The following ANOS1 variants were observed in gnomAD, a reference collection of about 807,000 sequenced individuals.
The protein encoded by ANOS1 is anosmin 1.
ANOS1 carries 6 observed loss-of-function variants against 59.0 expected under a neutral mutation model. That is an observed-to-expected ratio of 0.10 (90% CI 0.06 to 0.20). The LOEUF is 0.20. ANOS1 is among the 10% of genes least tolerant of loss of function. The pLI is 1.00. For missense variants in ANOS1, 433 were observed against 542.3 expected (o/e 0.80, Z 2.00); for synonymous variants, 217 against 223.4 (o/e 0.97, Z 0.25).
chrX:8,710,321 T>C (rs1932805187), intron 1 of ANOS1, among the ~76,000 whole-genome samples: 1 of 112,012 alleles, frequency 8.9e-6, no homozygotes, highest in Non-Finnish European at 1.9e-5. Context: ...CTCTGAGAAC[T>C]TCTACCTCAC....
chrX:8,559,900 A>G (rs1268876264), intron 8 of ANOS1, among the ~76,000 whole-genome samples: 1 of 111,808 alleles, frequency 8.9e-6, no homozygotes, highest in African/African-American at 3.3e-5. Flanking sequence ...TACAAAACAG[A>G]GCTCATCCTA....
intron 2 of ANOS1, among the ~76,000 whole-genome samples, chrX:8,636,318 G>A (rs997642367): frequency 1.8e-5 from 2 of 111,439 alleles, no homozygotes; most frequent in Admixed American, 1.9e-4. Flanking sequence ...TACAAAATGC[G>A]GCATACATCA....
rs766188155 is a variant in ANOS1 at position 8,675,685 on chromosome X, CT to C, written c.255+24012del. ...TCTCTGGGTGCCTTAATTTATATTT[CT>C]TTTTTTTTTTTAGTTTTTATTTTTA... On this transcript the variant is annotated intron_variant, in intron 2 of 13. Transcript: ENST00000262648. Among the ~76,000 whole-genome samples the C allele has an allele frequency of 1.4e-3, 139 of 101,713 alleles. 1 individual carries two copies. The highest frequency in any genetic ancestry group is 4.9e-3 in the Middle Eastern group (1 of 205). 88.3% of individuals were successfully genotyped at this position (101,713 alleles called of 115,157 possible). A position where few individuals can be genotyped will look rare whatever the true frequency, so the allele number is the denominator to read the frequency against.
chrX:8,664,809 G>A (rs759802840), intron 2 of ANOS1, among the ~76,000 whole-genome samples: 4 of 111,612 alleles, frequency 3.6e-5, no homozygotes, highest in South Asian at 3.8e-4. Context: ...GAGCAGCCAC[G>A]GTGGTGTCTC....
intron 3 of ANOS1, among the ~76,000 whole-genome samples, chrX:8,608,749 G>A (rs1265691105): frequency 9.0e-6 from 1 of 111,541 alleles, no homozygotes; most frequent in Non-Finnish European, 1.9e-5. Flanking sequence ...CCCCCATGCT[G>A]TTCTTGTGAT....
At chrX:8,614,449 C>T (rs1439432213) in intron 3 of ANOS1, among the ~76,000 whole-genome samples, 1 of 111,231 alleles carries the variant, frequency 9.0e-6, no homozygotes, top group Non-Finnish European at 1.9e-5. Flanking sequence ...TACTATTGAT[C>T]CACAGAAAGT....
At chrX:8,553,147 A>G (rs1413409542) in intron 9 of ANOS1, among the ~76,000 whole-genome samples, 1 of 110,335 alleles carries the variant, frequency 9.1e-6, no homozygotes, top group Non-Finnish European at 1.9e-5. Flanking sequence ...AAAAGACTGT[A>G]TGTTGAATAA....
rs192343622 is a variant in ANOS1, at chrX:8,588,837, T to C, written c.542-859A>G. 3.6e-5 allele frequency among the ~76,000 whole-genome samples: 4 copies of C among 112,473 alleles called. No individual in the cohort carries two copies. The East Asian group carries it at 1.1e-3, about 31-fold the overall frequency. ...AGAAATTTGTAATACTAATAGAATA[T>C]GCAAAACTAACTGAATGAAATAGAA... On this transcript the variant is annotated intron_variant, in intron 4 of 13. Transcript: ENST00000262648.
At chrX:8,685,644 G>GAA (rs1157208084) in intron 2 of ANOS1, among the ~76,000 whole-genome samples, 7 of 97,777 alleles carry the variant, frequency 7.2e-5, no homozygotes, top group Non-Finnish European at 1.2e-4. Flanking sequence ...AAGAAAGAAA[G>GAA]AAAGAAAGAA....
intron 2 of ANOS1, among the ~76,000 whole-genome samples, chrX:8,661,244 C>T (rs1190021792): frequency 9.2e-6 from 1 of 108,966 alleles, no homozygotes; most frequent in East Asian, 2.9e-4. Context: ...ATAGACCGGG[C>T]AGTTTATAAA....
chrX:8,537,191 C>G (rs1929610227), intron 10 of ANOS1, among the ~76,000 whole-genome samples: 1 of 111,760 alleles, frequency 8.9e-6, no homozygotes, highest in Non-Finnish European at 1.9e-5. Flanking sequence ...CTCATCAAAG[C>G]AGGCTACTTC....
At chrX:8,605,786 C>G (rs1200969179) in intron 3 of ANOS1, among the ~76,000 whole-genome samples, 1 of 111,475 alleles carries the variant, frequency 9.0e-6, no homozygotes, top group Non-Finnish European at 1.9e-5. Context: ...TGGAATATAG[C>G]TTCTGCTTCT....
At chrX:8,678,203 T>G (rs146049979) in intron 2 of ANOS1, among the ~76,000 whole-genome samples, 88 of 112,687 alleles carry the variant, frequency 7.8e-4, no homozygotes, top group Non-Finnish European at 1.4e-3. Flanking sequence ...TAACTATCAC[T>G]TTCATTTGAG....
intron 3 of ANOS1, among the ~76,000 whole-genome samples, chrX:8,616,686 G>A (rs1459060673): frequency 1.8e-5 from 2 of 111,128 alleles, no homozygotes; most frequent in African/African-American, 6.6e-5. Flanking sequence ...AGTTTTTAAG[G>A]ACAAAAGCCC....
intron 10 of ANOS1, among the ~76,000 whole-genome samples, chrX:8,539,110 A>G (rs1929642266): frequency 9.1e-6 from 1 of 110,329 alleles, no homozygotes; most frequent in Admixed American, 9.7e-5. Context: ...AATATTTGGA[A>G]TAACATTTTG....
At chrX:8,536,528 T>A (rs778626477) in intron 11 of ANOS1, among the ~76,000 whole-genome samples, 2 of 111,463 alleles carry the variant, frequency 1.8e-5, no homozygotes, top group East Asian at 5.7e-4. Flanking sequence ...GGTATCTAAA[T>A]GTTTGCCTTC....
chrX:8,579,259 T>A (rs1173406142), intron 6 of ANOS1, among the ~76,000 whole-genome samples: 1 of 111,914 alleles, frequency 8.9e-6, no homozygotes, highest in East Asian at 2.8e-4. Context: ...TCCAAATTGG[T>A]CATTCCCAAA....
At chrX:8,691,074 T>C in intron 2 of ANOS1, among the ~76,000 whole-genome samples, 1 of 86,835 alleles carries the variant, frequency 1.2e-5, no homozygotes, top group East Asian at 5.1e-4. Flanking sequence ...AAAGGAGAAA[T>C]CTTTTTTTTT....
intron 8 of ANOS1, among the ~76,000 whole-genome samples, chrX:8,564,391 C>A (rs914085092): frequency 8.9e-6 from 1 of 111,926 alleles, no homozygotes; most frequent in African/African-American, 3.2e-5. Context: ...AGAATGAAAC[C>A]AGCATCAATG....
Sources: allele counts gnomAD v4.1 joint callset (sites outside exome capture counted in the v4.1 genomes callset), GRCh38; gene constraint gnomAD v4.1.1; transcripts MANE v1.5; gene names NCBI Gene and HGNC (gene_info 2026-07-23, HGNC 2026-07-21).